Variants in KCNT1 observed in about 807,000 individuals in gnomAD.
KCNT1 encodes the protein potassium channel subfamily T member 1.
In KCNT1, 78 loss-of-function variants were observed where a neutral mutation model predicts 147.8. The observed-to-expected ratio is 0.53, with a 90% CI of 0.44 to 0.64. The LOEUF (loss-of-function observed/expected upper bound fraction) is 0.64. Ranked by LOEUF, KCNT1 falls within the 30% of genes least tolerant of loss-of-function variation. The pLI, the probability that KCNT1 is intolerant of heterozygous loss-of-function variation, is 0.00. For missense variants in KCNT1, 1,419 were observed against 1,750.3 expected (o/e 0.81, Z 3.38); for synonymous variants, 867 against 748.8 (o/e 1.16, Z -2.58).
At chr9:135,705,940 G>A (rs1019540628) in intron 1 of KCNT1, among the ~76,000 whole-genome samples, 1 of 152,144 alleles carries the variant, frequency 6.6e-6, no homozygotes, top group Non-Finnish European at 1.5e-5. Context: ...TGGCCTCACT[G>A]GAGCAGAGGT....
intron 2 of KCNT1, among the ~76,000 whole-genome samples, chr9:135,732,787 T>A (rs976192787): frequency 1.3e-5 from 2 of 151,868 alleles, no homozygotes; most frequent in African/African-American, 4.8e-5. Context: ...ATTCTCTCTC[T>A]CTTCTCTTTT....
intron 11 of KCNT1, among the ~76,000 whole-genome samples, chr9:135,764,624 C>T (rs985118164): frequency 6.6e-6 from 1 of 152,196 alleles, no homozygotes; most frequent in African/African-American, 2.4e-5. Flanking sequence ...CCAGCAGCCT[C>T]AAACCACCTG....
chr9:135,791,784 G>A lies in KCNT1; in HGVS notation c.3503-13G>A. On this transcript the variant is annotated splice_polypyrimidine_tract_variant and intron_variant, in intron 29 of 30. Coordinates refer to ENST00000371757, the MANE Select transcript of KCNT1 (RefSeq NM_020822.3). ...CTGGGGGGGTGACGTCTGCCCGGCTGTGTCCTTTGCAGACGAGATGAACGA... is the reference window on the plus strand; with the variant it reads ...CTGGGGGGGTGACGTCTGCCCGGCTATGTCCTTTGCAGACGAGATGAACGA... 6.2e-7 allele frequency: 1 copy of A among 1,612,402 alleles called. No homozygotes were observed.
intron 2 of KCNT1, 24 bp from the exon 3 acceptor site, chr9:135,750,074 C>CA: frequency 2.5e-6 from 4 of 1,605,378 alleles, no homozygotes; most frequent in Non-Finnish European, 3.4e-6. Flanking sequence ...CCCTGAGCCT[C>CA]CATGCCCCTC....
At chr9:135,766,932 T>C (rs966118852) in intron 13 of KCNT1, among the ~76,000 whole-genome samples, 3 of 152,056 alleles carry the variant, frequency 2.0e-5, no homozygotes, top group South Asian at 2.1e-4. Flanking sequence ...TGAGTCAAGG[T>C]GGGAGAACGG....
chr9:135,755,233 C>A, intron 6 of KCNT1, 64 bp downstream of exon 6: 1 of 1,431,210 alleles, frequency 7.0e-7, no homozygotes, highest in Non-Finnish European at 9.5e-7. Flanking sequence ...GAGGACCAAC[C>A]CAGACTCAGT....
chr9:135,744,788 A>G (rs1364158825), intron 2 of KCNT1, among the ~76,000 whole-genome samples: 1 of 152,166 alleles, frequency 6.6e-6, no homozygotes, highest in Non-Finnish European at 1.5e-5. Flanking sequence ...GGGGGTACAC[A>G]AGGGACTGTC....
At chr9:135,772,981 G>C (rs551447919) in intron 19 of KCNT1, 32 bp downstream of exon 19, 19 of 1,404,912 alleles carry the variant, frequency 1.4e-5, no homozygotes, top group East Asian at 5.5e-5. Context: ...GCTCCCAGTG[G>C]GGGGAGGAGC....
At chr9:135,749,032 C>T (rs1588306005) in intron 2 of KCNT1, among the ~76,000 whole-genome samples, 1 of 152,238 alleles carries the variant, frequency 6.6e-6, no homozygotes. Flanking sequence ...GCTCCCCCTT[C>T]CCAGAGACGG....
At chr9:135,741,880 G>A (rs1370964171) in intron 2 of KCNT1, among the ~76,000 whole-genome samples, 1 of 152,234 alleles carries the variant, frequency 6.6e-6, no homozygotes, top group African/African-American at 2.4e-5. Context: ...AGCTGGTCCA[G>A]GACAGGCACA....
chr9:135,766,322 G>GGGT (rs1832281679), intron 13 of KCNT1, among the ~76,000 whole-genome samples: 2 of 150,882 alleles, frequency 1.3e-5, no homozygotes, highest in Non-Finnish European at 3.0e-5. Context: ...TGGGCTGTCT[G>GGGT]GGGTGGGCCA....
chr9:135,788,294 C>G (rs773842101), intron 29 of KCNT1: 1 of 785,872 alleles, frequency 1.3e-6, no homozygotes, highest in Non-Finnish European at 2.2e-6. Context: ...AGGTGTCAGC[C>G]CAGGCGGCCC....
chr9:135,752,938 G>C lies in KCNT1; in HGVS notation c.435-999G>C, dbSNP rs1035066845. On this transcript the variant is annotated intron_variant, in intron 4 of 30. Coordinates refer to ENST00000371757, the MANE Select transcript of KCNT1 (RefSeq NM_020822.3). This position sits in a 1 kb window ranked among gnomAD's most constrained non-coding sequence, Gnocchi z 5.1. ...TGGATGATGGATGGATGGATGGACAGATAAGTAGATGGATAGATGGATGAG... is the reference window on the plus strand; with the variant it reads ...TGGATGATGGATGGATGGATGGACACATAAGTAGATGGATAGATGGATGAG... Among the ~76,000 whole-genome samples, 3 of 150,956 alleles carry C rather than the reference G, an allele frequency of 2.0e-5. No individual in the cohort carries two copies. The highest frequency in any genetic ancestry group is 3.0e-5 in the Non-Finnish European group (2 of 67,668).
chr9:135,714,699 C>G lies in KCNT1; in HGVS notation c.233C>G (p.Pro78Arg). The G allele has an allele frequency of 2.8e-6, 4 of 1,451,170 alleles. No individual in the cohort carries two copies. The highest frequency in any genetic ancestry group is 2.8e-6 in the Non-Finnish European group (3 of 1,089,228). The allele number at this position is 1,451,170 out of a possible 1,614,324, so 89.9% of individuals were successfully genotyped here. The change falls in exon 2 of 31, where the codon CCG becomes CGG. Residue 78 changes from proline to arginine, a missense_variant. This residue lies in a region of KCNT1 where 181 missense variants were observed against 155.7 expected (regional missense o/e 1.16). Coordinates refer to ENST00000371757, the MANE Select transcript of KCNT1 (RefSeq NM_020822.3). The surrounding 1 kb of genome is among the most constrained non-coding windows in gnomAD (Gnocchi z 6.2). ...YRFRDLLLGD[P>R]SFQNDDRVQV... is the part of the protein sequence containing the mutation. ...TTCCGGGACCTGCTGCTGGGCGACC[C>G]GTCCTTCCAGAACGACGACAGGTAG...
At chr9:135,774,536 CTG>C (rs1341479462) in intron 19 of KCNT1, among the ~76,000 whole-genome samples, 2 of 135,928 alleles carry the variant, frequency 1.5e-5, no homozygotes, top group African/African-American at 2.9e-5. Flanking sequence ...TGCTGTGTGT[CTG>C]TGTAGTGTGT....
At chr9:135,785,648 C>A in intron 28 of KCNT1, 1 of 559,042 alleles carries the variant, frequency 1.8e-6, no homozygotes, top group Non-Finnish European at 3.2e-6. Context: ...GCCTGACCAG[C>A]CCCCAGCCTC....
rs149908455 is a variant in KCNT1, at chr9:135,755,122, G to T, written c.493G>T (p.Ala165Ser). The stretch of plus-strand genomic sequence containing the variant: ...GTGCTGCCTCCTTTCTCTTCCCAGG[G>T]CTCCTATTCTGTGGGTGGAGAGAAA... ...FNDSSSEINW[A>S]PILWVERKMT... Residue 165 changes from alanine to serine, a missense_variant and splice_region_variant, in exon 6 of 31, where the codon GCT becomes TCT. This residue lies in a region of KCNT1 where 401 missense variants were observed against 610.6 expected (regional missense o/e 0.66). Coordinates refer to ENST00000371757, the MANE Select transcript of KCNT1 (RefSeq NM_020822.3). The T allele has an allele frequency of 1.2e-6, 2 of 1,611,268 alleles. No homozygotes were observed. The highest frequency in any genetic ancestry group is 1.7e-6 in the Non-Finnish European group (2 of 1,178,568).
At chr9:135,711,058 T>G (rs1835464710) in intron 1 of KCNT1, among the ~76,000 whole-genome samples, 1 of 152,150 alleles carries the variant, frequency 6.6e-6, no homozygotes, top group South Asian at 2.1e-4. Flanking sequence ...CTAGTAGGTT[T>G]TCAGTTGATT....
chr9:135,735,410 G>A (rs188273786), intron 2 of KCNT1, among the ~76,000 whole-genome samples: 1 of 152,196 alleles, frequency 6.6e-6, no homozygotes, highest in African/African-American at 2.4e-5. Context: ...AGAAATGGAA[G>A]CCTGTGCTGC....
Sources: allele counts gnomAD v4.1 joint callset (sites outside exome capture counted in the v4.1 genomes callset), GRCh38; gene constraint gnomAD v4.1.1; regional missense constraint gnomAD v4.1.1; non-coding constraint Gnocchi (gnomAD v3.1); transcripts MANE v1.5; gene names NCBI Gene and HGNC (gene_info 2026-07-23, HGNC 2026-07-21).